Variants in DIS3L2 observed in about 807,000 individuals in gnomAD.
DIS3L2 encodes DIS3 like 3'-5' exoribonuclease 2.
Under a neutral mutation model 97.5 loss-of-function variants are expected in DIS3L2, and 34 were observed. That is an observed-to-expected ratio of 0.35 (90% CI 0.27 to 0.46). The LOEUF is 0.46. DIS3L2 is among the 20% of genes least tolerant of loss of function. DIS3L2 has a pLI of 1.00. For synonymous variants in DIS3L2, 435 were observed against 445.2 expected, an observed-to-expected ratio of 0.98 and a Z score of 0.29; for missense variants, 1,038 against 1,146.0, an observed-to-expected ratio of 0.91 and a Z score of 1.36.
chr2:232,316,732 T>C (rs1695286548), intron 14 of DIS3L2, among the ~76,000 whole-genome samples: 1 of 152,232 alleles, frequency 6.6e-6, no homozygotes, highest in South Asian at 2.1e-4. Flanking sequence ...TCAAATGTGA[T>C]TAAGTTTTAG....
At chr2:232,310,333 G>A (rs1213619164) in intron 14 of DIS3L2, among the ~76,000 whole-genome samples, 2 of 152,180 alleles carry the variant, frequency 1.3e-5, no homozygotes, top group Non-Finnish European at 1.5e-5. Context: ...TATTGTGCAC[G>A]TGGGAGTCAG....
At chr2:232,204,789 C>T (rs1243718213) in intron 9 of DIS3L2, among the ~76,000 whole-genome samples, 2 of 152,162 alleles carry the variant, frequency 1.3e-5, no homozygotes, top group African/African-American at 2.4e-5. Context: ...TCAACCCCAC[C>T]GCACGGGGCT....
intron 5 of DIS3L2, among the ~76,000 whole-genome samples, chr2:232,033,123 G>GAAAAAA (rs1694857056): frequency 6.6e-6 from 1 of 152,152 alleles, no homozygotes; most frequent in Non-Finnish European, 1.5e-5. Context: ...TATGAGCATG[G>GAAAAAA]AATATTTTTC....
intron 11 of DIS3L2, among the ~76,000 whole-genome samples, chr2:232,242,760 C>T (rs1384585759): frequency 6.6e-6 from 1 of 152,208 alleles, no homozygotes; most frequent in African/African-American, 2.4e-5. Flanking sequence ...AGTCAGTGTC[C>T]TATCATCACT....
chr2:232,227,256 G>C (rs1312391804), intron 10 of DIS3L2, among the ~76,000 whole-genome samples: 1 of 152,142 alleles, frequency 6.6e-6, no homozygotes, highest in Admixed American at 6.5e-5. Context: ...GTAGTCTACA[G>C]GTGTTGAAAA....
chr2:232,028,895 T>A (rs913769702), intron 4 of DIS3L2, among the ~76,000 whole-genome samples: 3 of 152,144 alleles, frequency 2.0e-5, no homozygotes, highest in African/African-American at 7.2e-5. Flanking sequence ...TGTCAACCCA[T>A]AGCTAAACTG....
At chr2:232,111,818 C>CACTT (rs1697543385) in intron 6 of DIS3L2, among the ~76,000 whole-genome samples, 1 of 152,108 alleles carries the variant, frequency 6.6e-6, no homozygotes, top group Admixed American at 6.5e-5. Flanking sequence ...AACAAGGCAA[C>CACTT]ACTTATTCCT....
chr2:232,341,551 G>A (rs573105691), downstream of DIS3L2, among the ~76,000 whole-genome samples: 2 of 152,212 alleles, frequency 1.3e-5, no homozygotes, highest in Admixed American at 6.5e-5. Context: ...TAGAAATGCC[G>A]AGTCAGGATC....
At position 232,170,890 on chromosome 2, in the gene DIS3L2, G is replaced by T. The variant is rs143570987; in HGVS notation, c.1124+7258G>T. ...ACCTTGAAATAGCAACTTGAAAGGA[G>T]AGTCATATAATACTAACCTCTTTCA... On this transcript the variant is annotated intron_variant, in intron 9 of 20. Coordinates refer to ENST00000325385, the MANE Select transcript of DIS3L2 (RefSeq NM_152383.5). 9.8e-5 allele frequency among the ~76,000 whole-genome samples: 15 copies of T among 152,308 alleles called. No individual in the cohort carries two copies. In the East Asian group the frequency reaches 2.7e-3, roughly 27 times the overall value.
chr2:232,339,657 C>T (rs935186106), downstream of DIS3L2: 3 of 454,578 alleles, frequency 6.6e-6, no homozygotes, highest in South Asian at 1.6e-5. Context: ...CTACAAGGAT[C>T]TGCTGTGCCT....
rs943773816 is a variant in DIS3L2 at position 232,216,961 on chromosome 2, G to A, written c.1204+6556G>A. On this transcript the variant is annotated intron_variant, in intron 10 of 20. Transcript: ENST00000325385. Reference sequence around the variant, plus strand: ...GGGTTCAAGTGATTCTCCTTCCTCAGCCTCCCGAGTAGCCAGGACTACAGG... The same window carrying A: ...GGGTTCAAGTGATTCTCCTTCCTCAACCTCCCGAGTAGCCAGGACTACAGG... 4.3e-4 allele frequency among the ~76,000 whole-genome samples: 65 copies of A among 151,580 alleles called. 1 individual carries two copies. Among genetic ancestry groups the A allele is most frequent in the Non-Finnish European group, 7.4e-5 (5 of 67,970 alleles).
chr2:232,284,316 G>T (rs1184994148), intron 13 of DIS3L2, among the ~76,000 whole-genome samples: 1 of 152,190 alleles, frequency 6.6e-6, no homozygotes, highest in Admixed American at 6.5e-5. Flanking sequence ...GGCTGCAGTT[G>T]TGTGACCCAG....
chr2:232,212,929 C>G lies in DIS3L2; in HGVS notation c.1204+2524C>G, dbSNP rs186040514. Among the ~76,000 whole-genome samples, 318 of 152,144 alleles carry G rather than the reference C, an allele frequency of 2.1e-3. 2 individuals carry two copies. Among genetic ancestry groups the G allele is most frequent in the African/African-American group, 7.3e-3 (302 of 41,490 alleles). ...CAACCTGGATGACTGGGAGATGGAA[C>G]CCATAAGTTAGAAATGGGAATCAGG... On this transcript the variant is annotated intron_variant, in intron 10 of 20. Transcript: ENST00000325385.
intron 14 of DIS3L2, among the ~76,000 whole-genome samples, chr2:232,319,371 A>G (rs1695365404): frequency 6.6e-6 from 1 of 152,246 alleles, no homozygotes; most frequent in South Asian, 2.1e-4. Context: ...CAACAGCCAA[A>G]CATGGCACAT....
intron 5 of DIS3L2, among the ~76,000 whole-genome samples, chr2:232,044,280 A>G (rs1213808118): frequency 6.6e-6 from 1 of 152,196 alleles, no homozygotes; most frequent in Non-Finnish European, 1.5e-5. Context: ...CAAAGGGGCA[A>G]AATTGGTGGG....
At chr2:232,133,531 A>G (rs1359018037) in intron 7 of DIS3L2, among the ~76,000 whole-genome samples, 1 of 152,244 alleles carries the variant, frequency 6.6e-6, no homozygotes, top group Non-Finnish European at 1.5e-5. Flanking sequence ...AACCAGGAAG[A>G]TCACAACATG....
chr2:232,038,732 TG>T (rs1695023098), intron 5 of DIS3L2, among the ~76,000 whole-genome samples: 2 of 152,088 alleles, frequency 1.3e-5, no homozygotes. Flanking sequence ...AACCAAAGCT[TG>T]GGGGTAGGTT....
At chr2:232,333,190 C>CGCTG in intron 16 of DIS3L2, among the ~76,000 whole-genome samples, 1 of 57,006 alleles carries the variant, frequency 1.8e-5, no homozygotes, top group Non-Finnish European at 3.1e-5. Context: ...CCTCCTCCTC[C>CGCTG]TCCTCCTCCT....
intron 12 of DIS3L2, among the ~76,000 whole-genome samples, chr2:232,249,862 GGAT>G (rs1693370136): frequency 6.6e-6 from 1 of 152,220 alleles, no homozygotes; most frequent in Non-Finnish European, 1.5e-5. Flanking sequence ...TCGTCATGCT[GGAT>G]GATTGGAGCG....
Sources: allele counts gnomAD v4.1 joint callset (sites outside exome capture counted in the v4.1 genomes callset), GRCh38; gene constraint gnomAD v4.1.1; transcripts MANE v1.5; gene names NCBI Gene and HGNC (gene_info 2026-07-23, HGNC 2026-07-21).